LYPD6B: variants seen among roughly 807,000 people sequenced by gnomAD.
LYPD6B encodes LY6/PLAUR domain containing 6B.
Under a neutral mutation model 22.8 loss-of-function variants are expected in LYPD6B, and 17 were observed. The ratio of observed to expected loss-of-function variants is 0.75; its 90% CI spans 0.51 to 1.12. LYPD6B has a LOEUF of 1.12. Ranked by LOEUF, LYPD6B falls within the 50% of genes most tolerant of loss-of-function variation. The pLI, the probability that LYPD6B is intolerant of heterozygous loss-of-function variation, is 0.00. For missense variants in LYPD6B, 221 were observed against 258.3 expected (o/e 0.86, Z 0.99); for synonymous variants, 106 against 91.6 (o/e 1.16, Z -0.90).
intron 3 of LYPD6B, among the ~76,000 whole-genome samples, chr2:149,180,436 C>G (rs552666196): frequency 6.6e-6 from 1 of 152,246 alleles, no homozygotes; most frequent in African/African-American, 2.4e-5. Flanking sequence ...CAGCCCTTTT[C>G]TTAAGGTGGT....
At chr2:149,155,095 C>G (rs898834648) in intron 2 of LYPD6B, among the ~76,000 whole-genome samples, 4 of 152,114 alleles carry the variant, frequency 2.6e-5, no homozygotes, top group Non-Finnish European at 4.4e-5. Flanking sequence ...GTTCCTTGAT[C>G]CCTTAAAGTA....
intron 1 of LYPD6B, among the ~76,000 whole-genome samples, chr2:149,064,652 A>G (rs1684241947): frequency 6.6e-6 from 1 of 152,222 alleles, no homozygotes; most frequent in African/African-American, 2.4e-5. Flanking sequence ...GTAGATAAAC[A>G]TTAGAACCGG....
At chr2:149,133,307 C>A (rs1688146299) in intron 2 of LYPD6B, among the ~76,000 whole-genome samples, 1 of 152,130 alleles carries the variant, frequency 6.6e-6, no homozygotes, top group African/African-American at 2.4e-5. Flanking sequence ...GATACTAAGA[C>A]CCAGGAAAGT....
At chr2:149,101,208 T>C (rs1026723686) in intron 1 of LYPD6B, 2 of 152,272 alleles carry the variant, frequency 1.3e-5, no homozygotes, top group Non-Finnish European at 2.9e-5. Flanking sequence ...GGGGTGCTTC[T>C]CCGCCAGAGC....
chr2:149,054,690 A>G (rs546584461), intron 1 of LYPD6B, among the ~76,000 whole-genome samples: 6 of 152,230 alleles, frequency 3.9e-5, no homozygotes, highest in South Asian at 4.1e-4. Context: ...AGCTTGGGCA[A>G]TGCAGCAGAT....
In LYPD6B at chr2:149,130,932, T is replaced by C. The variant is rs767127724; in HGVS notation, c.-17T>C. ...TGGCAACCCTCCTGGACTAGGCTGC[T>C]CTTGTTAATCACATGGATGTTGTGA... is the stretch of plus-strand genomic sequence containing the variant. On this transcript the variant is annotated 5_prime_UTR_variant, in exon 2 of 7. Transcript: ENST00000409642. The C allele has an allele frequency of 1.9e-6, 3 of 1,601,420 alleles. No individual in the cohort carries two copies. Among genetic ancestry groups the C allele is most frequent in the African/African-American group, 1.3e-5 (1 of 74,658 alleles).
chr2:149,120,383 ATTTT>A lies in LYPD6B; in HGVS notation c.-66-10484_-66-10481del, dbSNP rs869074241. On this transcript the variant is annotated intron_variant, in intron 1 of 6. Transcript: ENST00000409642. The stretch of plus-strand genomic sequence containing the variant: ...TGTGTATATATATATATATATATAT[ATTTT>A]TTTTTTTTTTTTTTTGAGATGGAGT... Among the ~76,000 whole-genome samples the A allele has an allele frequency of 2.5e-4, 12 of 48,608 alleles. No homozygotes were observed. The South Asian group carries it at 2.5e-3, about 10-fold the overall frequency. The allele number at this position is 48,608 out of a possible 152,430, so 31.9% of individuals were successfully genotyped here.
At chr2:149,162,538 C>T (rs1481828563) in intron 3 of LYPD6B, among the ~76,000 whole-genome samples, 1 of 152,132 alleles carries the variant, frequency 6.6e-6, no homozygotes, top group Non-Finnish European at 1.5e-5. Context: ...TCCTGACCAC[C>T]ACCTACTGTT....
chr2:149,131,706 G>A (rs1474475860), intron 2 of LYPD6B: 1 of 152,180 alleles, frequency 6.6e-6, no homozygotes, highest in African/African-American at 2.4e-5. Flanking sequence ...AATGATCAAA[G>A]GATGGAAAAG....
chr2:149,172,471 C>G (rs1180723098), intron 3 of LYPD6B, among the ~76,000 whole-genome samples: 2 of 152,050 alleles, frequency 1.3e-5, no homozygotes, highest in Non-Finnish European at 2.9e-5. Flanking sequence ...CAAAGCTCTT[C>G]TTGGAGAGGT....
intron 1 of LYPD6B, among the ~76,000 whole-genome samples, chr2:149,064,602 C>T (rs78890231): frequency 0.06 from 9,159 of 152,200 alleles, 556 homozygotes; most frequent in African/African-American, 0.15. Context: ...GAAATAAAGG[C>T]ACTAGAGACA....
Position 149,130,846 on chromosome 2 carries a change from CA to C in LYPD6B, c.-66-36del, listed in dbSNP as rs1687984556. 3 of 856,096 alleles carry C rather than the reference CA, an allele frequency of 3.5e-6. No individual in the cohort carries two copies. In the Admixed American group the frequency reaches 5.6e-5, roughly 16 times the overall value. 53.0% of individuals were successfully genotyped at this position (856,096 alleles called of 1,614,324 possible). ...CCTTTATCCCAAATGTCTATAATATCAGTCATAATGATACCTTTTCATGTTC... is the reference window on the plus strand; with the variant it reads ...CCTTTATCCCAAATGTCTATAATATCGTCATAATGATACCTTTTCATGTTC... On this transcript the variant is annotated intron_variant, in intron 1 of 6. Coordinates refer to ENST00000409642, the MANE Select transcript of LYPD6B (RefSeq NM_177964.5).
At chr2:149,187,475 A>G in intron 3 of LYPD6B, 1 of 1,520,906 alleles carries the variant, frequency 6.6e-7, no homozygotes, top group Admixed American at 2.3e-5. Flanking sequence ...TAAACCAAAC[A>G]AAGGAAATGC....
intron 1 of LYPD6B, among the ~76,000 whole-genome samples, chr2:149,108,246 C>G (rs999236863): frequency 2.0e-5 from 3 of 152,174 alleles, no homozygotes; most frequent in Non-Finnish European, 4.4e-5. Flanking sequence ...GTAAGGCTCC[C>G]CCAGCCACGT....
intron 2 of LYPD6B, among the ~76,000 whole-genome samples, chr2:149,132,732 G>A (rs1688106842): frequency 6.6e-6 from 1 of 152,188 alleles, no homozygotes. Context: ...GTAGCTTGTT[G>A]AATGAATTGC....
In LYPD6B at chr2:149,214,615, T is replaced by C; in HGVS notation, c.529T>C (p.Phe177Leu). The C allele has an allele frequency of 6.2e-7, 1 of 1,613,938 alleles. No homozygotes were observed. The highest frequency in any genetic ancestry group is 1.6e-4 in the Middle Eastern group (1 of 6,062). ...ACCCACCAATCACACTAATGCAGTG[T>C]TTGCCGTAATGCACGCTCAGAGAAC... ...ELPTNHTNAVFAVMHAQRTSG... is the reference protein window; with the variant it reads ...ELPTNHTNAVLAVMHAQRTSG... Residue 177 changes from phenylalanine (F) to leucine (L), a missense_variant, in exon 7 of 7, where the codon TTT becomes CTT. Phe to Leu is a conservative substitution (Grantham distance 22). Coordinates refer to ENST00000409642, the MANE Select transcript of LYPD6B (RefSeq NM_177964.5).
At chr2:149,044,638 A>C (rs1371819360) in intron 1 of LYPD6B, among the ~76,000 whole-genome samples, 4 of 152,006 alleles carry the variant, frequency 2.6e-5, no homozygotes, top group Admixed American at 2.6e-4. Context: ...TTGCAGTACA[A>C]TGTTGAATAG....
At chr2:149,111,704 A>C (rs895465207) in intron 1 of LYPD6B, among the ~76,000 whole-genome samples, 1 of 152,198 alleles carries the variant, frequency 6.6e-6, no homozygotes, top group African/African-American at 2.4e-5. Flanking sequence ...GAGTGTCATC[A>C]GCATATAGAA....
At chr2:149,177,031 A>G (rs1157987628) in intron 3 of LYPD6B, among the ~76,000 whole-genome samples, 1 of 152,160 alleles carries the variant, frequency 6.6e-6, no homozygotes, top group Non-Finnish European at 1.5e-5. Flanking sequence ...TTTGAAGTGG[A>G]TCAATTCAGC....
Sources: gnomAD v4.1 joint callset for allele counts (sites outside exome capture counted in the v4.1 genomes callset) on GRCh38, gnomAD v4.1.1 for gene constraint, MANE v1.5 for transcripts, NCBI Gene and HGNC (gene_info 2026-07-23, HGNC 2026-07-21) for gene names.